The following GPR137C variants were observed in gnomAD, a reference collection of about 807,000 sequenced individuals.
The protein encoded by GPR137C is integral membrane protein GPR137C.
GPR137C carries 27 observed loss-of-function variants against 43.4 expected under a neutral mutation model. The observed-to-expected ratio is 0.62, with a 90% CI of 0.46 to 0.86. The LOEUF is 0.86. GPR137C is among the 40% of genes least tolerant of loss of function. The pLI is 0.00. For missense variants in GPR137C, 522 were observed against 534.6 expected (o/e 0.98, Z 0.23); for synonymous variants, 285 against 226.9 (o/e 1.26, Z -2.30).
At chr14:52,589,704 T>C (rs1485733660) in intron 1 of GPR137C, among the ~76,000 whole-genome samples, 1 of 152,182 alleles carries the variant, frequency 6.6e-6, no homozygotes, top group African/African-American at 2.4e-5. Context: ...TTTCAGTCAA[T>C]AACTCACCCC....
chr14:52,628,977 G>T (rs185817381), intron 3 of GPR137C, among the ~76,000 whole-genome samples: 1 of 152,224 alleles, frequency 6.6e-6, no homozygotes, highest in East Asian at 1.9e-4. Flanking sequence ...GTGGTCAAAA[G>T]ATTTGAATAG....
chr14:52,569,789 A>G (rs2038436119), intron 1 of GPR137C, among the ~76,000 whole-genome samples: 3 of 152,132 alleles, frequency 2.0e-5, no homozygotes, highest in South Asian at 4.1e-4. Context: ...ATATGGGACT[A>G]TGTGAAAAAG....
At chr14:52,620,532 T>G (rs1342402576) in intron 3 of GPR137C, among the ~76,000 whole-genome samples, 1 of 150,988 alleles carries the variant, frequency 6.6e-6, no homozygotes, top group Non-Finnish European at 1.5e-5. Context: ...CAGGTCAAGG[T>G]TACAAATATA....
At chr14:52,621,620 C>T (rs191058013) in intron 3 of GPR137C, among the ~76,000 whole-genome samples, 41 of 151,830 alleles carry the variant, frequency 2.7e-4, no homozygotes, top group African/African-American at 8.4e-4. Flanking sequence ...TTATATATAA[C>T]AACCATAGCA....
intron 3 of GPR137C, among the ~76,000 whole-genome samples, chr14:52,624,908 T>TA (rs1208173104): frequency 7.2e-5 from 11 of 152,180 alleles, no homozygotes; most frequent in African/African-American, 2.4e-4. Flanking sequence ...CTAAACATCT[T>TA]ACAGACATTA....
Position 52,632,155 on chromosome 14 carries a change from T to C in GPR137C, c.718-5T>C, listed in dbSNP as rs1273964301. On this transcript the variant is annotated splice_polypyrimidine_tract_variant and splice_region_variant and intron_variant, in intron 3 of 6. Coordinates refer to ENST00000321662, the MANE Select transcript of GPR137C (RefSeq NM_001099652.2). ...ACTAAAGATGATGATTTTTATTTGT[T>C]TTAGGGTATGTCTCTGTGCCAGACT... 6 of 1,594,710 alleles carry C rather than the reference T, an allele frequency of 3.8e-6. No individual in the cohort carries two copies. The highest frequency in any genetic ancestry group is 5.2e-6 in the Non-Finnish European group (6 of 1,163,920).
intron 5 of GPR137C, 48 bp downstream of exon 5, chr14:52,633,703 A>C (rs1299337258): frequency 1.3e-6 from 2 of 1,591,824 alleles, no homozygotes; most frequent in Non-Finnish European, 1.7e-6. Flanking sequence ...TTTAAAAATT[A>C]TGGAACATTT....
intron 3 of GPR137C, among the ~76,000 whole-genome samples, chr14:52,631,781 T>G (rs1319538600): frequency 6.6e-6 from 1 of 152,134 alleles, no homozygotes; most frequent in Non-Finnish European, 1.5e-5. Flanking sequence ...AGAAATTAAG[T>G]GTATCAAATG....
At position 52,635,189 on chromosome 14, in the gene GPR137C, C is replaced by T; in HGVS notation, c.*74C>T. The T allele has an allele frequency of 8.3e-7, 1 of 1,206,670 alleles. No individual in the cohort carries two copies. The highest frequency in any genetic ancestry group is 1.1e-6 in the Non-Finnish European group (1 of 886,844). 74.7% of individuals were successfully genotyped at this position (1,206,670 alleles called of 1,614,324 possible). ...ATTCAATGTGTTTAAATTCCATCTACATAAACATTCCATTATCTGTTGCAA... is the reference window on the plus strand; with the variant it reads ...ATTCAATGTGTTTAAATTCCATCTATATAAACATTCCATTATCTGTTGCAA... On this transcript the variant is annotated 3_prime_UTR_variant, in exon 7 of 7. Coordinates refer to ENST00000321662, the MANE Select transcript of GPR137C (RefSeq NM_001099652.2).
At chr14:52,633,070 C>G (rs965735775) in intron 4 of GPR137C, among the ~76,000 whole-genome samples, 3 of 152,042 alleles carry the variant, frequency 2.0e-5, no homozygotes, top group Admixed American at 6.6e-5. Context: ...TCTGATAGAA[C>G]AGAAACAAAT....
At chr14:52,554,777 C>A (rs2038167946) in intron 1 of GPR137C, among the ~76,000 whole-genome samples, 3 of 151,682 alleles carry the variant, frequency 2.0e-5, no homozygotes, top group Admixed American at 6.6e-5. Flanking sequence ...CTCTTTTCTC[C>A]TTTAATAGGA....
chr14:52,578,071 A>G (rs775194062), intron 1 of GPR137C, among the ~76,000 whole-genome samples: 39 of 152,304 alleles, frequency 2.6e-4, no homozygotes, highest in Non-Finnish European at 4.6e-4. Context: ...TATTATGTAT[A>G]TGTGACTTGT....
At chr14:52,622,903 G>T (rs72684260) in intron 3 of GPR137C, among the ~76,000 whole-genome samples, 12,778 of 152,050 alleles carry the variant, frequency 0.084, 646 homozygotes, top group South Asian at 0.23. Flanking sequence ...AAGTACAAGT[G>T]CATGGTAGTG....
In GPR137C at chr14:52,553,582, C is replaced by A. The variant is rs756360872; in HGVS notation, c.435C>A (p.Tyr145Ter). The A allele has an allele frequency of 6.4e-7, 1 of 1,560,410 alleles. No homozygotes were observed. The highest frequency in any genetic ancestry group is 8.7e-7 in the Non-Finnish European group (1 of 1,150,474). Residue 145 changes from tyrosine to a stop codon, truncating the protein, a stop_gained, in exon 1 of 7, where the codon TAC (tyrosine) becomes TAA (stop). Coordinates refer to ENST00000321662, the MANE Select transcript of GPR137C (RefSeq NM_001099652.2). LOFTEE classifies it high-confidence loss of function. ...QFSTLCLLNL[Y>*]LAEVICKVRC... ...CCACGCTCTGTCTCCTCAACCTCTA[C>A]CTGGCGGAGGTAAGGCGGGAGGGCC...
chr14:52,561,058 A>C (rs766747047), intron 1 of GPR137C, among the ~76,000 whole-genome samples: 1 of 152,074 alleles, frequency 6.6e-6, no homozygotes, highest in Non-Finnish European at 1.5e-5. Context: ...TTCACAAAAA[A>C]GATATATGCA....
At chr14:52,630,545 C>T (rs2139582011) in intron 3 of GPR137C, among the ~76,000 whole-genome samples, 1 of 152,190 alleles carries the variant, frequency 6.6e-6, no homozygotes, top group South Asian at 2.1e-4. Flanking sequence ...TTCACACATA[C>T]TTTTTGTGAT....
At chr14:52,601,734 T>A (rs1429186014) in intron 3 of GPR137C, among the ~76,000 whole-genome samples, 1 of 152,072 alleles carries the variant, frequency 6.6e-6, no homozygotes, top group Non-Finnish European at 1.5e-5. Flanking sequence ...TATAATAACA[T>A]CACTATAGAA....
At chr14:52,567,662 G>GT (rs397853244) in intron 1 of GPR137C, among the ~76,000 whole-genome samples, 5,736 of 134,034 alleles carry the variant, frequency 0.043, 173 homozygotes, top group Non-Finnish European at 0.063. Flanking sequence ...TTTTTTTTTG[G>GT]TTTTTTTTTT....
At chr14:52,615,882 A>G (rs77054453) in intron 3 of GPR137C, among the ~76,000 whole-genome samples, 1,882 of 152,258 alleles carry the variant, frequency 0.012, 31 homozygotes, top group Non-Finnish European at 0.018. Context: ...ATTCTTTTTC[A>G]GTATAGCACT....
Sources: gnomAD v4.1 joint callset for allele counts (sites outside exome capture counted in the v4.1 genomes callset) on GRCh38, gnomAD v4.1.1 for gene constraint, MANE v1.5 for transcripts, NCBI Gene and HGNC (gene_info 2026-07-23, HGNC 2026-07-21) for gene names.